Variants in SIK3 observed in about 807,000 individuals in gnomAD.
SIK3 encodes the protein serine/threonine-protein kinase SIK3.
SIK3 carries 28 observed loss-of-function variants against 144.2 expected under a neutral mutation model. That is an observed-to-expected ratio of 0.19 (90% confidence interval 0.14 to 0.27). The LOEUF (loss-of-function observed/expected upper bound fraction) is 0.27, where lower values mean the gene tolerates loss of function less well. Among genes scored for constraint, SIK3 ranks in the 10% least tolerant of loss-of-function variants. The pLI is 1.00. For missense variants in SIK3, 1,319 were observed against 1,776.0 expected, an observed-to-expected ratio of 0.74 and a Z score of 4.62; for synonymous variants, 686 against 676.3, an observed-to-expected ratio of 1.01 and a Z score of -0.22.
chr11:116,871,892 T>C (rs989723264), intron 13 of SIK3, among the ~76,000 whole-genome samples: 1 of 152,178 alleles, frequency 6.6e-6, no homozygotes, highest in African/African-American at 2.4e-5. Context: ...AAGTTGTGAA[T>C]ACTTGTGGAA....
chr11:117,093,469 T>C (rs144068944), intron 1 of SIK3, among the ~76,000 whole-genome samples: 1 of 152,338 alleles, frequency 6.6e-6, no homozygotes, highest in Non-Finnish European at 1.5e-5. Flanking sequence ...GGCAAATGTG[T>C]CCTTAAGCTT....
intron 3 of SIK3, among the ~76,000 whole-genome samples, chr11:116,936,881 T>C (rs899181698): frequency 5.9e-5 from 9 of 152,244 alleles, no homozygotes; most frequent in Non-Finnish European, 1.2e-4. Context: ...AGGGTTTTAC[T>C]TCTTGCTGGA....
intron 13 of SIK3, among the ~76,000 whole-genome samples, chr11:116,871,803 C>T (rs1215551055): frequency 1.3e-5 from 2 of 152,136 alleles, no homozygotes; most frequent in Non-Finnish European, 2.9e-5. Context: ...CGGAGAATGA[C>T]AGTGCCATTC....
In SIK3 at chr11:116,858,301, T is replaced by C. The variant is rs775947586; in HGVS notation, c.3164A>G (p.Gln1055Arg). Residue 1055 changes from glutamine (Q) to arginine (R), a missense_variant, in exon 21 of 25, where the codon CAG becomes CGG. By Grantham distance (43) the Gln-to-Arg change is conservative. Coordinates refer to ENST00000445177, the MANE Select transcript of SIK3 (RefSeq NM_001366686.3). The surrounding 1 kb of genome is among the most constrained non-coding windows in gnomAD (Gnocchi z 5.4). ...KRQQQQRQQQQQQQQQQEYQE... is the reference protein window; with the variant it reads ...KRQQQQRQQQRQQQQQQEYQE... ...GTATTCTTGCTGTTGCTGCTGTTGC[T>C]GCTGCTGCTGCCGTTGTTGCTGCTG... 2.5e-5 allele frequency: 40 copies of C among 1,613,022 alleles called. No individual in the cohort carries two copies. Among genetic ancestry groups the C allele is most frequent in the Non-Finnish European group, 3.3e-5 (39 of 1,179,360 alleles).
At position 116,846,661 on chromosome 11, in the gene SIK3, C is replaced by T. The variant is rs1477660313; in HGVS notation, c.3953-108G>A. On this transcript the variant is annotated intron_variant, in intron 23 of 24. Transcript: ENST00000445177. This position sits in a 1 kb window ranked among gnomAD's most constrained non-coding sequence, Gnocchi z 4.1. ...GGCAACCTGTCGAGCATCCCACAGC[C>T]TGACTCCCAGCCCTGAATTCTAGCT... The T allele has an allele frequency of 1.6e-6, 2 of 1,280,820 alleles. No individual in the cohort carries two copies. The highest frequency in any genetic ancestry group is 2.2e-6 in the Non-Finnish European group (2 of 913,248). 79.3% of individuals were successfully genotyped at this position (1,280,820 alleles called of 1,614,324 possible).
At chr11:116,941,702 C>T (rs911262165) in intron 3 of SIK3, among the ~76,000 whole-genome samples, 6 of 152,160 alleles carry the variant, frequency 3.9e-5, no homozygotes, top group African/African-American at 1.4e-4. Flanking sequence ...ATAAATCATA[C>T]ACATTTCAAC....
rs1407681793 is a variant in SIK3 at position 116,846,287 on chromosome 11, C to A, written c.*13+96G>T. 2 of 1,306,046 alleles carry A rather than the reference C, an allele frequency of 1.5e-6. No individual in the cohort carries two copies. The highest frequency in any genetic ancestry group is 4.6e-5 in the East Asian group (2 of 43,140). The allele number at this position is 1,306,046 out of a possible 1,614,324, so 80.9% of individuals were successfully genotyped here. A position where few individuals can be genotyped will look rare whatever the true frequency, so the allele number is the denominator to read the frequency against. On this transcript the variant is annotated intron_variant, in intron 24 of 24. Coordinates refer to ENST00000445177, the MANE Select transcript of SIK3 (RefSeq NM_001366686.3). The surrounding 1 kb of genome is among the most constrained non-coding windows in gnomAD (Gnocchi z 4.1). ...GGGAGGCGTGGTACTGTCGACTGCA[C>A]TGGCCACCACAACACATGGGCTGAA... is the stretch of plus-strand genomic sequence containing the variant.
Position 116,846,644 on chromosome 11 carries a change from G to T in SIK3, c.3953-91C>A. ...AGAGAGGAGGAATTGAAGGCAACCT[G>T]TCGAGCATCCCACAGCCTGACTCCC... is the stretch of plus-strand genomic sequence containing the variant. On this transcript the variant is annotated intron_variant, in intron 23 of 24. Transcript: ENST00000445177. This position sits in a 1 kb window ranked among gnomAD's most constrained non-coding sequence, Gnocchi z 4.1. 1 of 1,453,906 alleles carries T rather than the reference G, an allele frequency of 6.9e-7. No homozygotes were observed. The highest frequency in any genetic ancestry group is 9.5e-7 in the Non-Finnish European group (1 of 1,056,156). 90.1% of individuals were successfully genotyped at this position (1,453,906 alleles called of 1,614,324 possible). A position where few individuals can be genotyped will look rare whatever the true frequency, so the allele number is the denominator to read the frequency against.
chr11:117,066,466 T>C (rs1954022894), intron 1 of SIK3, among the ~76,000 whole-genome samples: 1 of 151,350 alleles, frequency 6.6e-6, no homozygotes, highest in African/African-American at 2.4e-5. Flanking sequence ...GTAAAGCATT[T>C]ATATAACACA....
At chr11:117,065,641 AT>A (rs35013282) in intron 1 of SIK3, among the ~76,000 whole-genome samples, 13,633 of 146,032 alleles carry the variant, frequency 0.093, 797 homozygotes, top group African/African-American at 0.17. Flanking sequence ...TCATAAATTG[AT>A]TTTTTTTTTT....
chr11:117,023,622 ATATATATATAT>A (rs1565568308), intron 1 of SIK3, among the ~76,000 whole-genome samples: 2 of 73,844 alleles, frequency 2.7e-5, no homozygotes, highest in Non-Finnish European at 5.3e-5. Context: ...AAAAAAAAAA[ATATATATATAT>A]ATATATATAT....
chr11:116,877,485 A>ATT (rs1944314255), intron 6 of SIK3, among the ~76,000 whole-genome samples: 1 of 152,160 alleles, frequency 6.6e-6, no homozygotes, highest in African/African-American at 2.4e-5. Flanking sequence ...GGTGTGCAAT[A>ATT]CCCTTCTTCA....
chr11:117,007,775 A>G (rs566662678), intron 1 of SIK3, among the ~76,000 whole-genome samples: 1 of 152,278 alleles, frequency 6.6e-6, no homozygotes, highest in East Asian at 1.9e-4. Context: ...AAGTTGTTCA[A>G]TCTTCCTCAT....
At chr11:117,019,642 G>C (rs1413773062) in intron 1 of SIK3, among the ~76,000 whole-genome samples, 3 of 150,732 alleles carry the variant, frequency 2.0e-5, no homozygotes, top group African/African-American at 7.3e-5. Context: ...TTGAGACAGA[G>C]TCTCGCTGTT....
chr11:117,006,412 T>C (rs1361894109), intron 1 of SIK3, among the ~76,000 whole-genome samples: 2 of 152,070 alleles, frequency 1.3e-5, no homozygotes, highest in African/African-American at 2.4e-5. Flanking sequence ...CTCTCCAAAA[T>C]ACTCCACTTG....
chr11:116,940,194 T>C (rs1427979693), intron 3 of SIK3, among the ~76,000 whole-genome samples: 1 of 151,992 alleles, frequency 6.6e-6, no homozygotes, highest in Non-Finnish European at 1.5e-5. Context: ...AATGTTAATG[T>C]AGGAGCCAGG....
chr11:116,857,658 A>C, intron 21 of SIK3, 152 bp downstream of exon 21: 5 of 1,351,294 alleles, frequency 3.7e-6, no homozygotes, highest in Non-Finnish European at 4.9e-6. Context: ...ACCAATACCC[A>C]CTTCCTACAT....
chr11:116,858,609 G>A lies in SIK3; in HGVS notation c.2856C>T (p.Ser952=), dbSNP rs1443249417. ...CCACTCCTGTTGAAGGGCTGTAGCT[G>A]CTGGGGGAACCCCGGGACTGGTCCG... ...LFSDQSRGSP[S]SYSPSTGVGF... is the part of the protein sequence containing the mutation. Residue 952 remains serine (S), a synonymous_variant, in exon 21 of 25, where the codon AGC becomes AGT. Coordinates refer to ENST00000445177, the MANE Select transcript of SIK3 (RefSeq NM_001366686.3). The surrounding 1 kb of genome is among the most constrained non-coding windows in gnomAD (Gnocchi z 5.4). 1 of 1,612,390 alleles carries A rather than the reference G, an allele frequency of 6.2e-7. No homozygotes were observed. Among genetic ancestry groups the A allele is most frequent in the Non-Finnish European group, 8.5e-7 (1 of 1,179,198 alleles).
rs1363169395 is a variant in SIK3 at position 116,878,397 on chromosome 11, T to TA, written c.866-1356dup. 7.3e-4 allele frequency among the ~76,000 whole-genome samples: 109 copies of TA among 149,138 alleles called. 2 individuals carry two copies. Among genetic ancestry groups the TA allele is most frequent in the Middle Eastern group, 3.4e-3 (1 of 290 alleles). ...TCTCTCTCCCTTTTTTTTTTTTTTT[T>TA]ACATAGAGTCTCGCTCTGTCACCCA... On this transcript the variant is annotated intron_variant, in intron 6 of 24. Coordinates refer to ENST00000445177, the MANE Select transcript of SIK3 (RefSeq NM_001366686.3).
Sources: gnomAD v4.1 joint callset for allele counts (sites outside exome capture counted in the v4.1 genomes callset) on GRCh38, gnomAD v4.1.1 for gene constraint, Gnocchi (gnomAD v3.1) non-coding constraint, MANE v1.5 for transcripts, NCBI Gene and HGNC (gene_info 2026-07-23, HGNC 2026-07-21) for gene names.